The following CADM4 variants were observed in gnomAD, a reference collection of about 807,000 sequenced individuals.
The protein encoded by CADM4 is cell adhesion molecule 4.
CADM4 carries 13 observed loss-of-function variants against 43.9 expected under a neutral mutation model. The ratio of observed to expected loss-of-function variants is 0.30; its 90% CI spans 0.19 to 0.47. The LOEUF (loss-of-function observed/expected upper bound fraction) is 0.47, where lower values mean the gene tolerates loss of function less well. Among genes scored for constraint, CADM4 ranks in the 20% least tolerant of loss-of-function variants. The pLI, the probability that CADM4 is intolerant of heterozygous loss-of-function variation, is 1.00. For missense variants in CADM4, 420 were observed against 527.0 expected (o/e 0.80, Z 1.99); for synonymous variants, 209 against 220.9 (o/e 0.95, Z 0.48).
chr19:43,635,076 G>A (rs1324093584), intron 1 of CADM4, among the ~76,000 whole-genome samples: 1 of 151,758 alleles, frequency 6.6e-6, no homozygotes, highest in Non-Finnish European at 1.5e-5. Context: ...TCCTCCTTCA[G>A]GACCCAGGAG....
chr19:43,641,497 A>G (rs773044463), upstream of CADM4, among the ~76,000 whole-genome samples: 8 of 151,724 alleles, frequency 5.3e-5, no homozygotes, highest in Non-Finnish European at 1.2e-4. Context: ...CACGGCTCCC[A>G]GCATCCTCTC....
At chr19:43,629,337 G>C (rs536822119) in intron 1 of CADM4, among the ~76,000 whole-genome samples, 28 of 152,276 alleles carry the variant, frequency 1.8e-4, no homozygotes, top group Middle Eastern at 6.8e-3. Flanking sequence ...AAGCCATTGA[G>C]ATTTCAGGGG....
At chr19:43,631,276 G>C (rs1247598565) in intron 1 of CADM4, among the ~76,000 whole-genome samples, 1 of 151,992 alleles carries the variant, frequency 6.6e-6, no homozygotes, top group Non-Finnish European at 1.5e-5. Context: ...GGGAGGCAGA[G>C]GTTGCAGTGA....
chr19:43,641,412 T>G (rs1307311064), upstream of CADM4, among the ~76,000 whole-genome samples: 8 of 152,200 alleles, frequency 5.3e-5, no homozygotes, highest in Non-Finnish European at 7.3e-5. Context: ...AACCCTTGTG[T>G]CCCAGGACCA....
rs1973512708 is a variant in CADM4 at position 43,625,683 on chromosome 19, C to A, written c.755+228G>T. On this transcript the variant is annotated intron_variant, in intron 6 of 8. Coordinates refer to ENST00000222374, the MANE Select transcript of CADM4 (RefSeq NM_145296.2). This position sits in a 1 kb window ranked among gnomAD's most constrained non-coding sequence, Gnocchi z 4.5. ...CTTCAGTATTGGGGAGTCTGAGCCT[C>A]CAGATTCCTCCTCCCTCAGGATCCA... Among the ~76,000 whole-genome samples, 1 of 152,152 alleles carries A rather than the reference C, an allele frequency of 6.6e-6. No homozygotes were observed. Among genetic ancestry groups the A allele is most frequent in the African/African-American group, 2.4e-5 (1 of 41,438 alleles).
chr19:43,627,379 TTC>T lies in CADM4; in HGVS notation c.212-63_212-62del. 4 of 1,506,082 alleles carry T rather than the reference TTC, an allele frequency of 2.7e-6. No homozygotes were observed. In the South Asian group the frequency reaches 5.3e-5, roughly 20 times the overall value. 93.3% of individuals were successfully genotyped at this position (1,506,082 alleles called of 1,614,324 possible). On this transcript the variant is annotated intron_variant, in intron 2 of 8. Coordinates refer to ENST00000222374, the MANE Select transcript of CADM4 (RefSeq NM_145296.2). This position sits in a 1 kb window ranked among gnomAD's most constrained non-coding sequence, Gnocchi z 4.0. ...AGTCCTGGCCTCACAAGTCCCACCCTTCCGACAGGAGCTTAGAGTCCAGCCCT... is the reference window on the plus strand; with the variant it reads ...AGTCCTGGCCTCACAAGTCCCACCCTCGACAGGAGCTTAGAGTCCAGCCCT...
intron 1 of CADM4, among the ~76,000 whole-genome samples, chr19:43,637,117 C>T (rs1973715151): frequency 6.6e-6 from 1 of 152,144 alleles, no homozygotes; most frequent in Admixed American, 6.5e-5. Flanking sequence ...GCTTTCTCTC[C>T]TCTGCCCACC....
Position 43,626,772 on chromosome 19 carries a change from G to A in CADM4, c.499+12C>T, listed in dbSNP as rs1973534660. 6 of 1,556,426 alleles carry A rather than the reference G, an allele frequency of 3.9e-6. No individual in the cohort carries two copies. The highest frequency in any genetic ancestry group is 2.7e-5 in the African/African-American group (2 of 72,774). On this transcript the variant is annotated intron_variant, in intron 4 of 8. Coordinates refer to ENST00000222374, the MANE Select transcript of CADM4 (RefSeq NM_145296.2). This position sits in a 1 kb window ranked among gnomAD's most constrained non-coding sequence, Gnocchi z 5.9. ...TCCTCCCCATCCCTTGTCAGCACTCGGCCCAGGGTACCTTTCAGCTCCTTG... is the reference window on the plus strand; with the variant it reads ...TCCTCCCCATCCCTTGTCAGCACTCAGCCCAGGGTACCTTTCAGCTCCTTG...
At chr19:43,633,632 CTTCTCTCTTTTTTCT>C (rs1326393499) in intron 1 of CADM4, among the ~76,000 whole-genome samples, 1 of 151,834 alleles carries the variant, frequency 6.6e-6, no homozygotes. Flanking sequence ...GTTCGTCTTT[CTTCTCTCTTTTTTCT>C]TTCTCTCTTT....
rs1210816410 is a variant in CADM4 at position 43,625,456 on chromosome 19, GA to G, written c.756-207del. On this transcript the variant is annotated intron_variant, in intron 6 of 8. Coordinates refer to ENST00000222374, the MANE Select transcript of CADM4 (RefSeq NM_145296.2). This position sits in a 1 kb window ranked among gnomAD's most constrained non-coding sequence, Gnocchi z 4.5. Reference sequence around the variant, plus strand: ...GGTCTCAGGAATTCTAGCCCAGGCTGAACATGGTGGCTTATGCCTGCAATCC... The same window carrying G: ...GGTCTCAGGAATTCTAGCCCAGGCTGACATGGTGGCTTATGCCTGCAATCC... Among the ~76,000 whole-genome samples the G allele has an allele frequency of 2.0e-5, 3 of 152,200 alleles. No individual in the cohort carries two copies. The highest frequency in any genetic ancestry group is 7.2e-5 in the African/African-American group (3 of 41,456).
At chr19:43,640,186 G>A (rs1205775901), upstream of CADM4, among the ~76,000 whole-genome samples, 1 of 151,478 alleles carries the variant, frequency 6.6e-6, no homozygotes. Flanking sequence ...CTTGCGCTGC[G>A]CGGAGGGGAG....
In CADM4 at chr19:43,623,131, C is replaced by A; in HGVS notation, c.*199G>T. The A allele has an allele frequency of 1.7e-6, 1 of 584,370 alleles. No homozygotes were observed. Among genetic ancestry groups the A allele is most frequent in the South Asian group, 2.0e-5 (1 of 50,454 alleles). 36.2% of individuals were successfully genotyped at this position (584,370 alleles called of 1,614,324 possible). On this transcript the variant is annotated 3_prime_UTR_variant, in exon 9 of 9. Transcript: ENST00000222374. The surrounding 1 kb of genome is among the most constrained non-coding windows in gnomAD (Gnocchi z 4.4). The stretch of plus-strand genomic sequence containing the variant: ...CCCCTGCCCCCTGGGGGACCCAGAC[C>A]TCTGGGCCCTCACTTCTGGCCCTTA...
chr19:43,627,332 G>A lies in CADM4; in HGVS notation c.212-14C>T, dbSNP rs759339455. The A allele has an allele frequency of 1.9e-6, 3 of 1,553,398 alleles. No homozygotes were observed. The East Asian group carries it at 6.8e-5, about 35-fold the overall frequency. ...CATCCTTCAAGGCTAGAGAGAGTGA[G>A]GGGGAAGGTGTGAATTTCGGGAGTC... On this transcript the variant is annotated splice_polypyrimidine_tract_variant and intron_variant, in intron 2 of 8. Transcript: ENST00000222374. The surrounding 1 kb of genome is among the most constrained non-coding windows in gnomAD (Gnocchi z 4.0).
intron 1 of CADM4, among the ~76,000 whole-genome samples, chr19:43,632,905 C>T (rs1224464429): frequency 1.3e-5 from 2 of 151,784 alleles, no homozygotes; most frequent in African/African-American, 2.4e-5. Context: ...GCCAACGTGG[C>T]GAAACCCCGT....
intron 1 of CADM4, among the ~76,000 whole-genome samples, chr19:43,631,042 G>A (rs542926043): frequency 1.3e-5 from 2 of 152,026 alleles, no homozygotes; most frequent in African/African-American, 2.4e-5. Flanking sequence ...ACCAATCACG[G>A]TAATCAAAAG....
intron 1 of CADM4, among the ~76,000 whole-genome samples, chr19:43,630,187 G>A (rs951787154): frequency 5.9e-5 from 9 of 151,666 alleles, no homozygotes; most frequent in South Asian, 2.1e-4. Context: ...TTACAGGCAT[G>A]AGCCACTGTG....
Position 43,626,428 on chromosome 19 carries a change from C to G in CADM4, c.500-140G>C. The G allele has an allele frequency of 9.4e-7, 1 of 1,067,998 alleles. No individual in the cohort carries two copies. The allele number at this position is 1,067,998 out of a possible 1,614,324, so 66.2% of individuals were successfully genotyped here. A position where few individuals can be genotyped will look rare whatever the true frequency, so the allele number is the denominator to read the frequency against. On this transcript the variant is annotated intron_variant, in intron 4 of 8. Coordinates refer to ENST00000222374, the MANE Select transcript of CADM4 (RefSeq NM_145296.2). The surrounding 1 kb of genome is among the most constrained non-coding windows in gnomAD (Gnocchi z 5.9). ...CCGCCTCTTGTCCTCCAAGCTACGC[C>G]CCTCCCCTAACCAAGCCCACGTGCC...
In CADM4 at chr19:43,627,439, T is replaced by G; in HGVS notation, c.212-121A>C. On this transcript the variant is annotated intron_variant, in intron 2 of 8. Coordinates refer to ENST00000222374, the MANE Select transcript of CADM4 (RefSeq NM_145296.2). The surrounding 1 kb of genome is among the most constrained non-coding windows in gnomAD (Gnocchi z 4.0). Reference sequence around the variant, plus strand: ...TTTTCTCCAGCCATATCTATGAGTCTGAGGTGTCCAACTATTTACTCCCTT... The same window carrying G: ...TTTTCTCCAGCCATATCTATGAGTCGGAGGTGTCCAACTATTTACTCCCTT... 1.8e-5 allele frequency: 23 copies of G among 1,305,310 alleles called. No homozygotes were observed. The highest frequency in any genetic ancestry group is 2.4e-5 in the Non-Finnish European group (23 of 968,232). 80.9% of individuals were successfully genotyped at this position (1,305,310 alleles called of 1,614,324 possible). A position where few individuals can be genotyped will look rare whatever the true frequency, so the allele number is the denominator to read the frequency against.
chr19:43,638,058 C>T (rs1403577152), intron 1 of CADM4, among the ~76,000 whole-genome samples: 2 of 152,276 alleles, frequency 1.3e-5, no homozygotes, highest in East Asian at 3.9e-4. Context: ...CCAAAGTTCT[C>T]ATCTGGGAAA....
Sources: allele counts gnomAD v4.1 joint callset (sites outside exome capture counted in the v4.1 genomes callset), GRCh38; gene constraint gnomAD v4.1.1; non-coding constraint Gnocchi (gnomAD v3.1); transcripts MANE v1.5; gene names NCBI Gene and HGNC (gene_info 2026-07-23, HGNC 2026-07-21).